ADAM12: variants seen among roughly 807,000 people sequenced by gnomAD.
ADAM12 encodes the protein ADAM metallopeptidase domain 12.
A neutral mutation model predicts 106.4 loss-of-function variants in ADAM12; 70 were observed. That is an observed-to-expected ratio of 0.66 (90% confidence interval 0.54 to 0.80). The LOEUF is 0.80. ADAM12 is among the 30% of genes least tolerant of loss of function. The pLI is 0.00. For synonymous variants in ADAM12, 420 were observed against 433.5 expected, an observed-to-expected ratio of 0.97 and a Z score of 0.39; for missense variants, 1,010 against 1,171.9, an observed-to-expected ratio of 0.86 and a Z score of 2.02.
chr10:126,160,229 T>A (rs2133738887), intron 3 of ADAM12, among the ~76,000 whole-genome samples: 1 of 152,300 alleles, frequency 6.6e-6, no homozygotes, highest in Non-Finnish European at 1.5e-5. Context: ...TTACGTGCGC[T>A]CACCACAAAA....
chr10:126,123,565 T>C lies in ADAM12; in HGVS notation c.417-5341A>G, dbSNP rs572795789. Among the ~76,000 whole-genome samples the C allele has an allele frequency of 7.9e-5, 12 of 152,274 alleles. No individual in the cohort carries two copies. The East Asian group carries it at 2.3e-3, about 29-fold the overall frequency. ...CTCAGGGTGGTCAGGGTCACCCCCC[T>C]GTGGCACTCTTCTAGGATCCAGGTT... On this transcript the variant is annotated intron_variant, in intron 5 of 22. Coordinates refer to ENST00000448723, the MANE Select transcript of ADAM12 (RefSeq NM_001288973.2).
At chr10:126,024,149 C>CTTTA (rs1408762534) in intron 21 of ADAM12, among the ~76,000 whole-genome samples, 1 of 152,152 alleles carries the variant, frequency 6.6e-6, no homozygotes, top group Non-Finnish European at 1.5e-5. Flanking sequence ...CAGTTTGATA[C>CTTTA]CACTTACGTA....
chr10:126,108,438 G>A (rs55810793), intron 8 of ADAM12, among the ~76,000 whole-genome samples, 155 bp downstream of exon 8: 2,555 of 152,226 alleles, frequency 0.017, 37 homozygotes, highest in Middle Eastern at 0.031. Flanking sequence ...GCTGCCCCAG[G>A]ACCCAGGAAT....
chr10:126,193,874 C>T (rs559451864), intron 3 of ADAM12, among the ~76,000 whole-genome samples: 5 of 143,926 alleles, frequency 3.5e-5, no homozygotes, highest in Admixed American at 6.7e-5. Context: ...CCTGGGCAAC[C>T]GAGTGAGACT....
chr10:126,383,613 A>T (rs73369063), intron 1 of ADAM12, among the ~76,000 whole-genome samples: 6,146 of 152,220 alleles, frequency 0.04, 425 homozygotes, highest in African/African-American at 0.14. Context: ...CCAAAAAGAA[A>T]AAAAGACTAC....
chr10:126,080,094 G>A (rs201954779), intron 11 of ADAM12, among the ~76,000 whole-genome samples: 1 of 152,174 alleles, frequency 6.6e-6, no homozygotes, highest in East Asian at 1.9e-4. Flanking sequence ...AAAAGTTCTG[G>A]TTGTGAACAG....
At chr10:126,035,359 T>G (rs1341685632) in intron 21 of ADAM12, among the ~76,000 whole-genome samples, 1 of 152,166 alleles carries the variant, frequency 6.6e-6, no homozygotes, top group Non-Finnish European at 1.5e-5. Context: ...CATCAATACA[T>G]GCCCAATAAT....
At position 126,323,992 on chromosome 10, in the gene ADAM12, T is replaced by C. The variant is rs149471463; in HGVS notation, c.186+6420A>G. On this transcript the variant is annotated intron_variant, in intron 2 of 22. Coordinates refer to ENST00000448723, the MANE Select transcript of ADAM12 (RefSeq NM_001288973.2). ...CTTAGGAAGTAAGAAGCTTGCCTCA[T>C]GAGAGGCAGAAGGAACTAAGAAAAC... 3.5e-4 allele frequency among the ~76,000 whole-genome samples: 54 copies of C among 152,306 alleles called. 1 individual carries two copies. The East Asian group carries it at 8.1e-3, about 23-fold the overall frequency.
intron 4 of ADAM12, among the ~76,000 whole-genome samples, chr10:126,146,348 A>G (rs1186112162): frequency 2.0e-5 from 3 of 152,210 alleles, no homozygotes; most frequent in Non-Finnish European, 4.4e-5. Context: ...GGGAAATTCA[A>G]TCCATTCTCA....
chr10:126,382,670 T>C (rs952432194), intron 1 of ADAM12, among the ~76,000 whole-genome samples: 3 of 152,178 alleles, frequency 2.0e-5, no homozygotes, highest in Admixed American at 6.5e-5. Flanking sequence ...ATCAGCTCTT[T>C]AATGCCCCGT....
At chr10:126,341,578 G>T (rs929004770) in intron 1 of ADAM12, among the ~76,000 whole-genome samples, 1 of 152,226 alleles carries the variant, frequency 6.6e-6, no homozygotes, top group East Asian at 1.9e-4. Flanking sequence ...GAACTGCCAA[G>T]TCAACCAGAG....
At chr10:126,339,167 C>A (rs1441239555) in intron 1 of ADAM12, among the ~76,000 whole-genome samples, 1 of 152,146 alleles carries the variant, frequency 6.6e-6, no homozygotes, top group African/African-American at 2.4e-5. Context: ...CCCCAGAGAA[C>A]TCATTAATTT....
At chr10:126,048,876 G>T (rs1379075356) in intron 16 of ADAM12, among the ~76,000 whole-genome samples, 1 of 152,022 alleles carries the variant, frequency 6.6e-6, no homozygotes. Flanking sequence ...AAATACATCT[G>T]ATTTCCCATT....
intron 7 of ADAM12, 21 bp from the exon 8 acceptor site, chr10:126,108,685 G>A: frequency 6.3e-7 from 1 of 1,594,922 alleles, no homozygotes; most frequent in Non-Finnish European, 8.6e-7. Context: ...TTAAATGGCA[G>A]CATTAATACC....
chr10:126,297,182 T>C (rs1207872135), intron 2 of ADAM12, among the ~76,000 whole-genome samples: 1 of 152,156 alleles, frequency 6.6e-6, no homozygotes, highest in Non-Finnish European at 1.5e-5. Flanking sequence ...TATGCACAGA[T>C]ATAAGCAGAA....
rs561870706 is a variant in ADAM12 at position 126,204,807 on chromosome 10, A to G, written c.261-49502T>C. On this transcript the variant is annotated intron_variant, in intron 3 of 22. Transcript: ENST00000448723. ...CAAATGGGTAGCACATTTTTTCTGTAAAAGGCCAGATCATAAATATTACAG... is the reference window on the plus strand; with the variant it reads ...CAAATGGGTAGCACATTTTTTCTGTGAAAGGCCAGATCATAAATATTACAG... Among the ~76,000 whole-genome samples the G allele has an allele frequency of 6.9e-4, 105 of 152,252 alleles. 1 individual carries two copies. The highest frequency in any genetic ancestry group is 3.4e-3 in the Middle Eastern group (1 of 294).
intron 2 of ADAM12, among the ~76,000 whole-genome samples, chr10:126,319,729 C>A (rs542949013): frequency 1.3e-5 from 2 of 152,148 alleles, no homozygotes; most frequent in African/African-American, 2.4e-5. Context: ...CTGATAAGGG[C>A]TTGTTAATTG....
chr10:126,064,544 T>C lies in ADAM12; in HGVS notation c.1609+262A>G, dbSNP rs1954823864. On this transcript the variant is annotated intron_variant, in intron 14 of 22. Transcript: ENST00000448723. This position sits in a 1 kb window ranked among gnomAD's most constrained non-coding sequence, Gnocchi z 4.4. ...CTTCTGTATCCCCCGGGGCGCACAGTAGGTGCTCCTGCAGCTCCTGTTGGA... is the reference window on the plus strand; with the variant it reads ...CTTCTGTATCCCCCGGGGCGCACAGCAGGTGCTCCTGCAGCTCCTGTTGGA... Among the ~76,000 whole-genome samples the C allele has an allele frequency of 2.0e-5, 3 of 152,100 alleles. No individual in the cohort carries two copies. In the South Asian group the frequency reaches 6.2e-4, roughly 32 times the overall value.
chr10:126,242,576 C>G (rs1958547414), intron 3 of ADAM12, among the ~76,000 whole-genome samples: 2 of 152,208 alleles, frequency 1.3e-5, no homozygotes, highest in Admixed American at 1.3e-4. Flanking sequence ...GCGTGGGCGT[C>G]TCCTGGCCCG....
Sources: gnomAD v4.1 joint callset for allele counts (sites outside exome capture counted in the v4.1 genomes callset) on GRCh38, gnomAD v4.1.1 for gene constraint, Gnocchi (gnomAD v3.1) non-coding constraint, MANE v1.5 for transcripts, NCBI Gene and HGNC (gene_info 2026-07-23, HGNC 2026-07-21) for gene names.